The following COL5A2 variants were observed in gnomAD, a reference collection of about 807,000 sequenced individuals.
COL5A2 encodes the protein collagen alpha-2(V) chain.
A neutral mutation model predicts 208.2 loss-of-function variants in COL5A2; 23 were observed. That is an observed-to-expected ratio of 0.11 (90% CI 0.08 to 0.16). COL5A2 has a LOEUF of 0.16. Ranked by LOEUF, COL5A2 falls within the 10% of genes least tolerant of loss-of-function variation. The probability of loss-of-function intolerance (pLI) is 1.00; values close to 1 mark genes in which losing one functional copy is unlikely to be tolerated. For missense variants in COL5A2, 1,590 were observed against 1,956.4 expected (o/e 0.81, Z 3.53); for synonymous variants, 625 against 628.5 (o/e 0.99, Z 0.08).
chr2:189,324,000 C>T, the COL5A2 span, among the ~76,000 whole-genome samples: 9 of 152,146 alleles, frequency 5.9e-5, no homozygotes, highest in East Asian at 1.7e-3. Flanking sequence ...CAGAACAGAG[C>T]CCTCAGAAAT....
At chr2:189,054,273 A>G in intron 35 of COL5A2, 61 bp from the exon 36 acceptor site, 1 of 1,256,650 alleles carries the variant, frequency 8.0e-7, no homozygotes, top group East Asian at 2.3e-5. Flanking sequence ...CTTCATGCTT[A>G]GCAAATCAAC....
chr2:189,140,500 C>A (rs1354497645), intron 1 of COL5A2, among the ~76,000 whole-genome samples: 1 of 152,052 alleles, frequency 6.6e-6, no homozygotes, highest in Non-Finnish European at 1.5e-5. Flanking sequence ...CACCACTGTG[C>A]TTCAACAAAG....
intron 31 of COL5A2, 56 bp from the exon 32 acceptor site, chr2:189,058,949 T>C (rs1685963095): frequency 6.7e-7 from 1 of 1,503,034 alleles, no homozygotes; most frequent in Non-Finnish European, 9.2e-7. Context: ...TAGGCATTTA[T>C]CAGAAAACTT....
chr2:189,226,460 G>T (rs1348502187), upstream of COL5A2, among the ~76,000 whole-genome samples: 2 of 152,082 alleles, frequency 1.3e-5, no homozygotes, highest in Non-Finnish European at 2.9e-5. Context: ...AAGAATTTTT[G>T]TCACCCTCTC....
the COL5A2 span, among the ~76,000 whole-genome samples, chr2:189,280,498 A>T: frequency 1.3e-5 from 2 of 152,144 alleles, no homozygotes; most frequent in African/African-American, 4.8e-5. Context: ...AATATGAAGG[A>T]ATATACAATA....
At chr2:189,377,285 G>A in the COL5A2 span, among the ~76,000 whole-genome samples, 1 of 152,160 alleles carries the variant, frequency 6.6e-6, no homozygotes, top group South Asian at 2.1e-4. Flanking sequence ...TTAAGACCCA[G>A]GTCAAAATCA....
At chr2:189,133,019 G>C (rs1233425763) in intron 1 of COL5A2, 1 of 152,494 alleles carries the variant, frequency 6.6e-6, no homozygotes, top group Non-Finnish European at 1.5e-5. Context: ...CAGAGATAAA[G>C]AAGTTGAATA....
chr2:189,046,167 G>A (rs905568991), intron 45 of COL5A2, among the ~76,000 whole-genome samples: 2 of 152,142 alleles, frequency 1.3e-5, no homozygotes, highest in South Asian at 4.2e-4. Context: ...GATCATTGGA[G>A]TATAGGAGTG....
chr2:189,127,833 T>C (rs1366596503), intron 1 of COL5A2, among the ~76,000 whole-genome samples: 5 of 152,022 alleles, frequency 3.3e-5, no homozygotes, highest in Non-Finnish European at 2.9e-5. Context: ...TGGAGTAGGA[T>C]GCAGCAGGAG....
chr2:189,056,877 A>T, intron 35 of COL5A2, 96 bp downstream of exon 35: 1 of 1,179,964 alleles, frequency 8.5e-7, no homozygotes, highest in Non-Finnish European at 1.3e-6. Context: ...CTACCAAGGA[A>T]ACATGACTGA....
chr2:189,139,759 A>T (rs1275681392), intron 1 of COL5A2, among the ~76,000 whole-genome samples: 4 of 152,224 alleles, frequency 2.6e-5, no homozygotes. Context: ...AACTTCTAAA[A>T]TTAGAAAGTA....
At chr2:189,265,273 A>G in the COL5A2 span, among the ~76,000 whole-genome samples, 1 of 152,192 alleles carries the variant, frequency 6.6e-6, no homozygotes, top group South Asian at 2.1e-4. Context: ...GGTGCCTTAC[A>G]ACAACAGATA....
rs1299127147 is a variant in COL5A2, at chr2:189,063,243, C to T, written c.1798G>A (p.Gly600Ser). 2.5e-6 allele frequency: 4 copies of T among 1,614,114 alleles called. No individual in the cohort carries two copies. Among genetic ancestry groups the T allele is most frequent in the Non-Finnish European group, 3.4e-6 (4 of 1,180,030 alleles). ...CTGATTCCTATGGAGCCTGGAGGAC[C>T]TGGACGGCCATCTTCCCCTGGCGCA... ...LGAPGEDGRP[G>S]PPGSIGIRGQ... The change falls in exon 27 of 54, where the codon GGT (glycine) becomes AGT (serine). Residue 600 changes from glycine (G) to serine (S), a missense_variant. Transcript: ENST00000374866.
chr2:189,112,042 T>C (rs928956158), intron 1 of COL5A2, among the ~76,000 whole-genome samples: 1 of 152,076 alleles, frequency 6.6e-6, no homozygotes, highest in South Asian at 2.1e-4. Context: ...ATTTTTGTTT[T>C]AGTGGAGACG....
the COL5A2 span, among the ~76,000 whole-genome samples, chr2:189,415,862 G>A: frequency 7.2e-4 from 110 of 152,062 alleles, no homozygotes; most frequent in African/African-American, 2.5e-3. Flanking sequence ...GGGTTTCATC[G>A]TGTTAGCCAG....
the COL5A2 span, among the ~76,000 whole-genome samples, chr2:189,338,528 A>G: frequency 6.6e-6 from 1 of 151,870 alleles, no homozygotes; most frequent in African/African-American, 2.4e-5. Flanking sequence ...CCCATTCTTC[A>G]GGTTCTTTTC....
At chr2:189,395,307 T>C in the COL5A2 span, among the ~76,000 whole-genome samples, 1 of 152,166 alleles carries the variant, frequency 6.6e-6, no homozygotes, top group African/African-American at 2.4e-5. Context: ...TATAGGAAAA[T>C]GCATAGTATG....
chr2:189,324,227 G>A, the COL5A2 span, among the ~76,000 whole-genome samples: 1 of 152,262 alleles, frequency 6.6e-6, no homozygotes, highest in African/African-American at 2.4e-5. Flanking sequence ...AGAAAATCTA[G>A]GCAATACCAC....
chr2:189,279,783 G>A, the COL5A2 span, among the ~76,000 whole-genome samples: 1 of 151,926 alleles, frequency 6.6e-6, no homozygotes. Flanking sequence ...TATACTACTG[G>A]GCAAGAGAAA....
Sources: allele counts gnomAD v4.1 joint callset (sites outside exome capture counted in the v4.1 genomes callset), GRCh38; gene constraint gnomAD v4.1.1; transcripts MANE v1.5; gene names NCBI Gene and HGNC (gene_info 2026-07-23, HGNC 2026-07-21).